The following NAV2 variants were observed in gnomAD, a reference collection of about 807,000 sequenced individuals.
The protein encoded by NAV2 is helicase, APC down-regulated 1.
NAV2 carries 54 observed loss-of-function variants against 223.2 expected under a neutral mutation model. The observed-to-expected ratio is 0.24, with a 90% CI of 0.19 to 0.30. The LOEUF (loss-of-function observed/expected upper bound fraction) is 0.30, where lower values mean the gene tolerates loss of function less well. Ranked by LOEUF, NAV2 falls within the 10% of genes least tolerant of loss-of-function variation. The pLI is 1.00. For missense variants in NAV2, 2,806 were observed against 3,147.5 expected, an observed-to-expected ratio of 0.89 and a Z score of 2.60; for synonymous variants, 1,279 against 1,239.3, an observed-to-expected ratio of 1.03 and a Z score of -0.67.
intron 11 of NAV2, among the ~76,000 whole-genome samples, chr11:20,020,791 C>G (rs1423046992): frequency 2.6e-5 from 4 of 152,146 alleles, no homozygotes; most frequent in Non-Finnish European, 5.9e-5. Flanking sequence ...AAAAGACAAG[C>G]TGCTTACGCT....
chr11:19,841,005 A>AT (rs1194907298), intron 2 of NAV2, among the ~76,000 whole-genome samples: 1 of 152,208 alleles, frequency 6.6e-6, no homozygotes, highest in Middle Eastern at 3.2e-3. Flanking sequence ...TCTATGAGTT[A>AT]TTCCATTCAG....
intron 1 of NAV2, among the ~76,000 whole-genome samples, chr11:19,518,781 G>T (rs1332082169): frequency 6.6e-6 from 1 of 152,126 alleles, no homozygotes; most frequent in African/African-American, 2.4e-5. Flanking sequence ...CCCTGGACGG[G>T]GTGTTTGCGC....
At chr11:19,936,102 C>T (rs867860788) in intron 7 of NAV2, among the ~76,000 whole-genome samples, 8 of 151,124 alleles carry the variant, frequency 5.3e-5, no homozygotes, top group African/African-American at 1.9e-4. Context: ...CTCCTGAGCT[C>T]AGGCAGTCCA....
chr11:19,519,155 T>TAAC (rs200091295), intron 1 of NAV2, among the ~76,000 whole-genome samples: 3,481 of 152,276 alleles, frequency 0.023, 119 homozygotes, highest in African/African-American at 0.078. Context: ...ATAATAATAA[T>TAAC]AACAAGAACA....
chr11:19,510,842 C>A (rs1414581019), intron 1 of NAV2: 1 of 152,184 alleles, frequency 6.6e-6, no homozygotes, highest in African/African-American at 2.4e-5. Context: ...GTAGTAGGCA[C>A]ACAGACCAAC....
intron 1 of NAV2, among the ~76,000 whole-genome samples, chr11:19,418,566 C>A (rs1158978893): frequency 6.6e-6 from 1 of 152,214 alleles, no homozygotes; most frequent in Non-Finnish European, 1.5e-5. Context: ...GTAATCACAT[C>A]TTACCAGCAT....
intron 1 of NAV2, among the ~76,000 whole-genome samples, chr11:19,352,665 T>C (rs527276914): frequency 1.3e-5 from 2 of 152,240 alleles, no homozygotes; most frequent in Non-Finnish European, 2.9e-5. Context: ...TCCATTTTAA[T>C]GAGTCTCCAT....
intron 1 of NAV2, among the ~76,000 whole-genome samples, chr11:19,391,077 C>T (rs1277292032): frequency 6.6e-6 from 1 of 152,106 alleles, no homozygotes; most frequent in African/African-American, 2.4e-5. Context: ...ATGAGGGGCC[C>T]AGCATTTCAT....
chr11:20,053,484 A>C (rs2058159754), intron 17 of NAV2, among the ~76,000 whole-genome samples: 1 of 152,234 alleles, frequency 6.6e-6, no homozygotes, highest in African/African-American at 2.4e-5. Flanking sequence ...ACATTTCAGA[A>C]TAAATGAGGT....
At chr11:19,728,159 A>G (rs1276318667) in intron 1 of NAV2, among the ~76,000 whole-genome samples, 2 of 152,196 alleles carry the variant, frequency 1.3e-5, no homozygotes, top group Non-Finnish European at 2.9e-5. Flanking sequence ...GAGAGGTTGT[A>G]GAAAGTCCAC....
chr11:19,801,902 T>C (rs190707744), intron 1 of NAV2, among the ~76,000 whole-genome samples: 120 of 152,288 alleles, frequency 7.9e-4, no homozygotes, highest in Middle Eastern at 3.4e-3. Context: ...TGCCACATAG[T>C]GTGTGCTTAA....
intron 1 of NAV2, among the ~76,000 whole-genome samples, chr11:19,626,850 G>T (rs1238000905): frequency 6.6e-6 from 1 of 152,166 alleles, no homozygotes; most frequent in Admixed American, 6.5e-5. Flanking sequence ...TGAGCTGTGT[G>T]TCCCTAGGAA....
chr11:19,383,521 C>G (rs1848923377), intron 1 of NAV2, among the ~76,000 whole-genome samples: 1 of 152,170 alleles, frequency 6.6e-6, no homozygotes, highest in South Asian at 2.1e-4. Context: ...TTAAAAAGCC[C>G]TTGAGAAATG....
intron 1 of NAV2, among the ~76,000 whole-genome samples, chr11:19,404,735 A>G (rs1184685883): frequency 1.3e-5 from 2 of 152,218 alleles, no homozygotes; most frequent in Admixed American, 6.5e-5. Flanking sequence ...AGTGATCACA[A>G]CCCAAGAGCT....
intron 1 of NAV2, among the ~76,000 whole-genome samples, chr11:19,421,084 T>C (rs1437554257): frequency 6.6e-6 from 1 of 152,204 alleles, no homozygotes; most frequent in African/African-American, 2.4e-5. Context: ...TGGCCTTGGC[T>C]TTGATGCTGT....
chr11:19,614,191 G>A (rs1282408033), intron 1 of NAV2, among the ~76,000 whole-genome samples: 1 of 152,180 alleles, frequency 6.6e-6, no homozygotes, highest in Non-Finnish European at 1.5e-5. Flanking sequence ...TGGAAGCCCA[G>A]TCGATAAAGC....
At chr11:19,999,212 T>C (rs979892079) in intron 11 of NAV2, among the ~76,000 whole-genome samples, 2 of 152,196 alleles carry the variant, frequency 1.3e-5, no homozygotes, top group South Asian at 2.1e-4. Context: ...ACCCTGCTGT[T>C]GTGGCACACA....
intron 1 of NAV2, among the ~76,000 whole-genome samples, chr11:19,789,066 T>C (rs139732352): frequency 1.1e-3 from 169 of 152,336 alleles, no homozygotes; most frequent in Non-Finnish European, 1.8e-3. Flanking sequence ...TCAGTAAATA[T>C]TCATTTATTT....
At chr11:20,023,037 G>A (rs924694987) in intron 11 of NAV2, 1 of 1,548,638 alleles carries the variant, frequency 6.5e-7, no homozygotes, top group Non-Finnish European at 8.7e-7. Flanking sequence ...GCTGGCTAAA[G>A]GACTTGCCAT....
Sources: gnomAD v4.1 joint callset for allele counts (sites outside exome capture counted in the v4.1 genomes callset) on GRCh38, gnomAD v4.1.1 for gene constraint, MANE v1.5 for transcripts, NCBI Gene and HGNC (gene_info 2026-07-23, HGNC 2026-07-21) for gene names.